Variants in GPHN observed in about 807,000 individuals in gnomAD.
GPHN encodes gephyrin.
A neutral mutation model predicts 95.5 loss-of-function variants in GPHN; 17 were observed. The ratio of observed to expected loss-of-function variants is 0.18; its 90% confidence interval spans 0.12 to 0.27. GPHN has a LOEUF of 0.27. Ranked by LOEUF, GPHN falls within the 10% of genes least tolerant of loss-of-function variation. GPHN has a pLI of 1.00. For missense variants in GPHN, 660 were observed against 978.1 expected (o/e 0.67, Z 4.34); for synonymous variants, 320 against 322.5 (o/e 0.99, Z 0.08).
At chr14:66,908,614 A>C (rs893738086) in intron 5 of GPHN, among the ~76,000 whole-genome samples, 1 of 152,072 alleles carries the variant, frequency 6.6e-6, no homozygotes, top group African/African-American at 2.4e-5. Context: ...CAAAGAGTAC[A>C]GAACTGGGGT....
chr14:66,775,796 C>T (rs751966357), intron 2 of GPHN, among the ~76,000 whole-genome samples: 3 of 152,108 alleles, frequency 2.0e-5, no homozygotes, highest in Non-Finnish European at 1.5e-5. Flanking sequence ...TTGAATATGA[C>T]GTATAATGGC....
chr14:67,645,709 T>G, the GPHN span: 7 of 1,614,076 alleles, frequency 4.3e-6, no homozygotes, highest in Non-Finnish European at 5.9e-6. Flanking sequence ...TCTGGGTTGA[T>G]GCCCATGCTG....
chr14:66,687,092 G>C (rs942704173), intron 2 of GPHN, among the ~76,000 whole-genome samples: 14 of 152,070 alleles, frequency 9.2e-5, no homozygotes, highest in Admixed American at 9.2e-4. Context: ...TGTATCCCAG[G>C]GATGAAGCCC....
chr14:67,203,560 C>T, the GPHN span, among the ~76,000 whole-genome samples: 1 of 152,204 alleles, frequency 6.6e-6, no homozygotes, highest in Admixed American at 6.5e-5. Context: ...AACATGCCTC[C>T]TCTTCCACAG....
intron 2 of GPHN, among the ~76,000 whole-genome samples, chr14:66,770,057 G>T (rs2059110791): frequency 6.6e-6 from 1 of 152,132 alleles, no homozygotes; most frequent in Non-Finnish European, 1.5e-5. Context: ...TTATGGTTTT[G>T]ATTTGCATCT....
intron 17 of GPHN, among the ~76,000 whole-genome samples, chr14:67,123,059 A>G (rs979100839): frequency 6.6e-6 from 1 of 152,132 alleles, no homozygotes; most frequent in Non-Finnish European, 1.5e-5. Flanking sequence ...CTGTCTTTCA[A>G]AAGTCACCCT....
chr14:67,022,385 A>G (rs1412833516), intron 9 of GPHN, among the ~76,000 whole-genome samples: 2 of 151,742 alleles, frequency 1.3e-5, no homozygotes, highest in African/African-American at 4.8e-5. Flanking sequence ...TCATTGATTT[A>G]TTTCCCATTT....
the GPHN span, among the ~76,000 whole-genome samples, chr14:67,483,753 G>A: frequency 1.3e-5 from 2 of 152,202 alleles, no homozygotes; most frequent in African/African-American, 2.4e-5. Context: ...GTGCTCCTGG[G>A]AGTCTCAGAT....
At chr14:67,727,141 C>A in the GPHN span, 20 of 1,614,128 alleles carry the variant, frequency 1.2e-5, no homozygotes, top group South Asian at 1.3e-4. Context: ...ATTGCCACAG[C>A]AAGCTGGCCA....
the GPHN span, among the ~76,000 whole-genome samples, chr14:67,424,662 T>C: frequency 1.2e-4 from 18 of 151,240 alleles, 1 homozygote; most frequent in Non-Finnish European, 1.6e-4. Flanking sequence ...TTCCTTCCTA[T>C]GGTCCCAGTC....
rs555462768 is a variant in GPHN at position 66,989,023 on chromosome 14, CAT to C, written c.963+23700_963+23701del. 3.9e-5 allele frequency among the ~76,000 whole-genome samples: 6 copies of C among 152,102 alleles called. No homozygotes were observed. In the South Asian group the frequency reaches 1.2e-3, roughly 32 times the overall value. On this transcript the variant is annotated intron_variant, in intron 9 of 22. Coordinates refer to ENST00000478722, the MANE Select transcript of GPHN (RefSeq NM_020806.5). ...AGCTTGTTTTTAATTGTATACCACACATAGTCATGTGTATCTCTACGCTAAAT... is the reference window on the plus strand; with the variant it reads ...AGCTTGTTTTTAATTGTATACCACACAGTCATGTGTATCTCTACGCTAAAT...
At chr14:66,922,159 T>C (rs1221369517) in intron 6 of GPHN, among the ~76,000 whole-genome samples, 1 of 152,078 alleles carries the variant, frequency 6.6e-6, no homozygotes, top group Non-Finnish European at 1.5e-5. Context: ...AGACAAGGAT[T>C]TCATGACCAA....
the GPHN span, among the ~76,000 whole-genome samples, chr14:67,610,672 C>T: frequency 6.6e-6 from 1 of 152,044 alleles, no homozygotes; most frequent in Admixed American, 6.6e-5. Flanking sequence ...AAGAGAGGCC[C>T]CCTGGTCCTG....
At chr14:66,861,182 G>T (rs897764900) in intron 4 of GPHN, among the ~76,000 whole-genome samples, 1 of 151,960 alleles carries the variant, frequency 6.6e-6, no homozygotes, top group East Asian at 1.9e-4. Flanking sequence ...AAAATAAAAA[G>T]ATGGAAAAAG....
the GPHN span, among the ~76,000 whole-genome samples, chr14:67,715,926 T>A: frequency 6.6e-6 from 1 of 152,176 alleles, no homozygotes; most frequent in African/African-American, 2.4e-5. Context: ...CCGGGGGCAG[T>A]GGCTTACGCC....
chr14:67,045,663 C>G (rs1394413256), intron 10 of GPHN, among the ~76,000 whole-genome samples: 6 of 151,550 alleles, frequency 4.0e-5, no homozygotes, highest in Non-Finnish European at 7.4e-5. Context: ...GTCTCTCTCT[C>G]TCTGTCTCTC....
chr14:66,533,003 A>C (rs985774051), intron 1 of GPHN, among the ~76,000 whole-genome samples: 1 of 152,254 alleles, frequency 6.6e-6, no homozygotes, highest in Non-Finnish European at 1.5e-5. Flanking sequence ...TGGCAGGAAC[A>C]GGATCAGTTA....
At chr14:67,567,922 C>T in the GPHN span, among the ~76,000 whole-genome samples, 1 of 152,168 alleles carries the variant, frequency 6.6e-6, no homozygotes, top group Non-Finnish European at 1.5e-5. Context: ...TGCAGGGAAC[C>T]CTGTGGGTTG....
intron 1 of GPHN, among the ~76,000 whole-genome samples, chr14:66,526,717 G>C (rs1040422093): frequency 1.1e-4 from 17 of 152,136 alleles, no homozygotes; most frequent in African/African-American, 3.4e-4. Context: ...GGCCTTTTCT[G>C]CATCTACTGA....
Sources: allele counts gnomAD v4.1 joint callset (sites outside exome capture counted in the v4.1 genomes callset), GRCh38; gene constraint gnomAD v4.1.1; transcripts MANE v1.5; gene names NCBI Gene and HGNC (gene_info 2026-07-23, HGNC 2026-07-21).